UBE2F: variants seen among roughly 807,000 people sequenced by gnomAD.
The protein encoded by UBE2F is NEDD8-conjugating enzyme UBE2F.
Under a neutral mutation model 29.6 loss-of-function variants are expected in UBE2F, and 5 were observed. That is an observed-to-expected ratio of 0.17 (90% CI 0.09 to 0.36). UBE2F has a LOEUF of 0.36. UBE2F is among the 10% of genes least tolerant of loss of function. The pLI is 1.00. For missense variants in UBE2F, 141 were observed against 228.5 expected (o/e 0.62, Z 2.47); for synonymous variants, 66 against 81.8 (o/e 0.81, Z 1.04).
chr2:237,980,865 G>A (rs1348690043), intron 2 of UBE2F, among the ~76,000 whole-genome samples: 1 of 152,244 alleles, frequency 6.6e-6, no homozygotes, highest in African/African-American at 2.4e-5. Context: ...CAAGGAGCCA[G>A]CAGGAGCCCT....
intron 5 of UBE2F, among the ~76,000 whole-genome samples, chr2:238,022,841 T>C (rs2064328324): frequency 6.6e-6 from 1 of 151,686 alleles, no homozygotes; most frequent in South Asian, 2.1e-4. Context: ...GCCACTGGGG[T>C]TGGGGGGAAG....
chr2:238,029,092 G>A (rs1422838536), intron 6 of UBE2F: 1 of 151,950 alleles, frequency 6.6e-6, no homozygotes, highest in Non-Finnish European at 1.5e-5. Flanking sequence ...GAGAGTATAT[G>A]GTGTGCCTTT....
intron 1 of UBE2F, among the ~76,000 whole-genome samples, chr2:237,968,523 CG>C (rs1377284532): frequency 6.6e-6 from 1 of 152,126 alleles, no homozygotes; most frequent in Non-Finnish European, 1.5e-5. Context: ...TGGATTGAGA[CG>C]TCTCCATTCG....
intron 1 of UBE2F, 117 bp from the exon 2 acceptor site, chr2:237,972,975 T>C: frequency 8.3e-7 from 1 of 1,198,612 alleles, no homozygotes; most frequent in South Asian, 1.6e-5. Context: ...ACAAATTTTT[T>C]CCATAACTAA....
intron 2 of UBE2F, among the ~76,000 whole-genome samples, chr2:237,974,883 A>G (rs542833569): frequency 9.2e-5 from 14 of 152,090 alleles, no homozygotes; most frequent in African/African-American, 3.1e-4. Flanking sequence ...TCCTGACCTC[A>G]GATAATCCAC....
intron 4 of UBE2F, among the ~76,000 whole-genome samples, chr2:238,003,114 C>T (rs558989311): frequency 1.6e-4 from 24 of 152,000 alleles, no homozygotes; most frequent in African/African-American, 5.8e-4. Context: ...TACTCTCATC[C>T]CTGTTTCTTT....
At chr2:238,018,459 A>G (rs898417436) in intron 5 of UBE2F, among the ~76,000 whole-genome samples, 1 of 152,190 alleles carries the variant, frequency 6.6e-6, no homozygotes, top group Admixed American at 6.5e-5. Context: ...AAAGCAAACT[A>G]AGAGAAAATA....
At chr2:238,001,364 A>G (rs192432232) in intron 4 of UBE2F, among the ~76,000 whole-genome samples, 2 of 152,286 alleles carry the variant, frequency 1.3e-5, no homozygotes, top group African/African-American at 4.8e-5. Context: ...AGCTTTCCTT[A>G]TATACCTTGA....
intron 5 of UBE2F, among the ~76,000 whole-genome samples, chr2:238,018,680 C>T (rs969090645): frequency 2.0e-5 from 3 of 152,262 alleles, no homozygotes; most frequent in Non-Finnish European, 2.9e-5. Context: ...ATTCTCCTGC[C>T]CTAGCCTCCT....
Position 237,999,094 on chromosome 2 carries a change from T to TA in UBE2F, c.214+4285_214+4286insA, listed in dbSNP as rs1281843278. Among the ~76,000 whole-genome samples, 368 of 152,070 alleles carry TA rather than the reference T, an allele frequency of 2.4e-3. 6 individuals carry two copies. The highest frequency in any genetic ancestry group is 6.2e-3 in the African/African-American group (257 of 41,472). On this transcript the variant is annotated intron_variant, in intron 4 of 9. Coordinates refer to ENST00000272930, the MANE Select transcript of UBE2F (RefSeq NM_080678.3). ...TTCTTTTATTTATTTATTTATTTTT[T>TA]TTTTTTGAGACAGAGTCTCGCTCTG...
intron 6 of UBE2F, chr2:238,028,925 T>C (rs1209218979): frequency 2.3e-4 from 1 of 4,418 alleles, no homozygotes; most frequent in African/African-American, 6.8e-4. Flanking sequence ...TAAATTATAC[T>C]TTTTTCAAAG....
At chr2:238,018,232 T>G (rs1159343003) in intron 5 of UBE2F, among the ~76,000 whole-genome samples, 1 of 152,146 alleles carries the variant, frequency 6.6e-6, no homozygotes, top group Non-Finnish European at 1.5e-5. Flanking sequence ...TGGGGACTCT[T>G]TGGTGGTTTC....
intron 5 of UBE2F, 68 bp downstream of exon 5, chr2:238,016,701 ACTGGCACAGGGCCCTAGCACTCC>A: frequency 7.1e-7 from 1 of 1,401,938 alleles, no homozygotes; most frequent in Non-Finnish European, 1.0e-6. Context: ...GTGGCCCGCC[ACTGGCACAGGGCCCTAGCACTCC>A]CCTCTGCGTG....
Position 238,035,926 on chromosome 2 carries a change from C to T in UBE2F, c.493C>T (p.His165Tyr), listed in dbSNP as rs2064697881. The T allele has an allele frequency of 1.2e-6, 2 of 1,613,428 alleles. No individual in the cohort carries two copies. The highest frequency in any genetic ancestry group is 4.5e-5 in the East Asian group (2 of 44,870). Residue 165 changes from histidine (H) to tyrosine (Y), a missense_variant, in exon 9 of 10, where the codon CAT (histidine) becomes TAT (tyrosine). Coordinates refer to ENST00000272930, the MANE Select transcript of UBE2F (RefSeq NM_080678.3). ...DPLNIEAAEH[H>Y]LRDKEDFRNK... ...ACTGAATATTGAAGCTGCAGAACAT[C>T]ATTTGCGGGACAAGGTGAGCCAGTA...
chr2:237,973,551 T>C, intron 2 of UBE2F: 1 of 656,338 alleles, frequency 1.5e-6, no homozygotes, highest in African/African-American at 1.9e-5. Flanking sequence ...TGCCATTATC[T>C]TCCTTTCTTT....
intron 8 of UBE2F, among the ~76,000 whole-genome samples, chr2:238,034,448 T>A (rs2064658647): frequency 6.6e-6 from 1 of 152,026 alleles, no homozygotes; most frequent in South Asian, 2.1e-4. Flanking sequence ...AATTTTTTTT[T>A]AAGAAATCTG....
chr2:237,976,672 A>G (rs2063287502), intron 2 of UBE2F, among the ~76,000 whole-genome samples: 1 of 152,172 alleles, frequency 6.6e-6, no homozygotes, highest in South Asian at 2.1e-4. Flanking sequence ...GCCCTGATCC[A>G]TTTATGCGGC....
intron 2 of UBE2F, among the ~76,000 whole-genome samples, chr2:237,981,185 G>A (rs1226550483): frequency 6.6e-6 from 1 of 152,148 alleles, no homozygotes; most frequent in Non-Finnish European, 1.5e-5. Flanking sequence ...TCTTCAGGTG[G>A]TGAGGGTGTA....
intron 3 of UBE2F, among the ~76,000 whole-genome samples, chr2:237,990,012 G>A (rs1333723315): frequency 6.6e-6 from 1 of 151,530 alleles, no homozygotes; most frequent in African/African-American, 2.4e-5. Flanking sequence ...CAGCTGCTCG[G>A]GAGGCTGGGG....
Sources: gnomAD v4.1 joint callset for allele counts (sites outside exome capture counted in the v4.1 genomes callset) on GRCh38, gnomAD v4.1.1 for gene constraint, MANE v1.5 for transcripts, NCBI Gene and HGNC (gene_info 2026-07-23, HGNC 2026-07-21) for gene names.